Variants in ANKMY2 observed in about 807,000 individuals in gnomAD.
The protein encoded by ANKMY2 is ankyrin repeat and MYND domain-containing protein 2.
A neutral mutation model predicts 50.4 loss-of-function variants in ANKMY2; 36 were observed. That is an observed-to-expected ratio of 0.71 (90% CI 0.55 to 0.94). ANKMY2 has a LOEUF of 0.94. Among genes scored for constraint, ANKMY2 ranks in the 40% least tolerant of loss-of-function variants. The probability of loss-of-function intolerance (pLI) is 0.00; values close to 1 mark genes in which losing one functional copy is unlikely to be tolerated. For missense variants in ANKMY2, 565 were observed against 524.0 expected (o/e 1.08, Z -0.76); for synonymous variants, 187 against 178.8 (o/e 1.05, Z -0.36).
intron 1 of ANKMY2, among the ~76,000 whole-genome samples, chr7:16,644,066 G>A (rs1781781543): frequency 6.6e-6 from 1 of 152,128 alleles, no homozygotes; most frequent in African/African-American, 2.4e-5. Context: ...GCTCTGTCCT[G>A]CCTAAAAGAA....
Position 16,604,841 on chromosome 7 carries a change from A to G in ANKMY2, c.891T>C (p.Asp297=). The G allele has an allele frequency of 1.2e-6, 2 of 1,612,490 alleles. No individual in the cohort carries two copies. The highest frequency in any genetic ancestry group is 1.7e-6 in the Non-Finnish European group (2 of 1,179,432). ...GGGTAAGGACGGAGAATGCAGTGGG[A>G]TCAGAACCCTAGAGTGGGCATGAAG... ...RSIAPVEIGS[D]PTAFSVLTQA... The change falls in exon 8 of 10, where the codon GAT becomes GAC. Residue 297 remains aspartate (D), a synonymous_variant. Coordinates refer to ENST00000306999, the MANE Select transcript of ANKMY2 (RefSeq NM_020319.3).
chr7:16,609,744 A>G lies in ANKMY2; in HGVS notation c.768T>C (p.Ser256=). Reference sequence around the variant, plus strand: ...TTTCTTGATACACTGGAAAGCCATCAGAAGCTCGGCCTTTTAACAAGCTGA... The same window carrying G: ...TTTCTTGATACACTGGAAAGCCATCGGAAGCTCGGCCTTTTAACAAGCTGA... ...LIKSLLKGRA[S]DGFPVYQEKI... Residue 256 remains serine, a synonymous_variant, in exon 7 of 10, where the codon TCT becomes TCC. Transcript: ENST00000306999. 3.1e-6 allele frequency: 5 copies of G among 1,609,202 alleles called. No individual in the cohort carries two copies. The highest frequency in any genetic ancestry group is 4.2e-6 in the Non-Finnish European group (5 of 1,178,574).
intron 2 of ANKMY2, among the ~76,000 whole-genome samples, chr7:16,628,685 G>A (rs1390212945): frequency 6.6e-6 from 1 of 152,144 alleles, no homozygotes; most frequent in African/African-American, 2.4e-5. Flanking sequence ...GTAGCCTGAG[G>A]GGTGGTAGGG....
chr7:16,611,949 C>A (rs549253152), intron 5 of ANKMY2, among the ~76,000 whole-genome samples: 1 of 152,182 alleles, frequency 6.6e-6, no homozygotes, highest in African/African-American at 2.4e-5. Context: ...CCCTGCACTG[C>A]GTCTCCTATT....
At chr7:16,631,771 C>A (rs549880401) in intron 2 of ANKMY2, among the ~76,000 whole-genome samples, 1 of 151,918 alleles carries the variant, frequency 6.6e-6, no homozygotes, top group Admixed American at 6.6e-5. Context: ...CCCGCCACCA[C>A]GCCTGGCTAA....
chr7:16,611,919 G>C (rs62443196), intron 5 of ANKMY2, among the ~76,000 whole-genome samples: 1 of 152,086 alleles, frequency 6.6e-6, no homozygotes, highest in Non-Finnish European at 1.5e-5. Context: ...GCACTTTCCC[G>C]CCTTTGGGTA....
chr7:16,633,601 G>A (rs1475939053), intron 2 of ANKMY2, among the ~76,000 whole-genome samples: 1 of 151,948 alleles, frequency 6.6e-6, no homozygotes, highest in Non-Finnish European at 1.5e-5. Flanking sequence ...TTATATTTTT[G>A]TTTCTTTTCG....
Position 16,602,479 on chromosome 7 carries a change from T to C in ANKMY2, c.1042A>G (p.Thr348Ala). Residue 348 changes from threonine to alanine, a missense_variant, in exon 9 of 10, where the codon ACA becomes GCA. Coordinates refer to ENST00000306999, the MANE Select transcript of ANKMY2 (RefSeq NM_020319.3). ...ATTTTCTTATGAGTAAACCAGTGTGTTTTCTGGCAGGTTTGATCACAATAT... is the reference window on the plus strand; with the variant it reads ...ATTTTCTTATGAGTAAACCAGTGTGCTTTCTGGCAGGTTTGATCACAATAT... ...VIYCDQTCQK[T>A]HWFTHKKICK... 4 of 1,613,696 alleles carry C rather than the reference T, an allele frequency of 2.5e-6. No individual in the cohort carries two copies. Among genetic ancestry groups the C allele is most frequent in the East Asian group, 2.2e-5 (1 of 44,854 alleles).
At chr7:16,641,805 A>C (rs940203025) in intron 1 of ANKMY2, among the ~76,000 whole-genome samples, 11 of 152,212 alleles carry the variant, frequency 7.2e-5, no homozygotes, top group African/African-American at 2.7e-4. Context: ...AAAAAAGGAT[A>C]CTTATTGTAT....
At chr7:16,636,953 G>A (rs1781670619) in intron 1 of ANKMY2, among the ~76,000 whole-genome samples, 1 of 152,172 alleles carries the variant, frequency 6.6e-6, no homozygotes, top group Non-Finnish European at 1.5e-5. Flanking sequence ...CATCTTCAAT[G>A]CCTAGTACTA....
rs1781517790 is a variant in ANKMY2, at chr7:16,627,149, T to C, written c.162A>G (p.Ala54=). ...ENGMTPLMHA[A]YKGKLDMCKL... is the part of the protein sequence containing the mutation. ...TGCACATATCGAGTTTTCCTTTATA[T>C]GCTGCATGCATTAGAGGAGTCATTC... The change falls in exon 3 of 10, where the codon GCA becomes GCG. Residue 54 remains alanine (A), a synonymous_variant. Coordinates refer to ENST00000306999, the MANE Select transcript of ANKMY2 (RefSeq NM_020319.3). 6.2e-7 allele frequency: 1 copy of C among 1,604,282 alleles called. No individual in the cohort carries two copies. Among genetic ancestry groups the C allele is most frequent in the Non-Finnish European group, 8.5e-7 (1 of 1,173,328 alleles).
rs1356136937 is a variant in ANKMY2, at chr7:16,600,107, T to C, written c.*654A>G. On this transcript the variant is annotated 3_prime_UTR_variant, in exon 10 of 10. Transcript: ENST00000306999. ...GCATACGCTGAGAGAACCGTCAATA[T>C]GCCTTTGTTCCTGCTGAGGGATCTG... 6.6e-6 allele frequency: 1 copy of C among 152,236 alleles called. No homozygotes were observed. Among genetic ancestry groups the C allele is most frequent in the Non-Finnish European group, 1.5e-5 (1 of 68,048 alleles). 9.4% of individuals were successfully genotyped at this position (152,236 alleles called of 1,614,324 possible).
intron 7 of ANKMY2, among the ~76,000 whole-genome samples, chr7:16,606,094 G>A (rs139511992): frequency 1.3e-3 from 194 of 152,188 alleles, no homozygotes; most frequent in African/African-American, 4.6e-3. Context: ...TGGGACTACA[G>A]GCATGAGCCA....
At chr7:16,644,662 G>A (rs1781795215) in intron 1 of ANKMY2, 1 of 471,058 alleles carries the variant, frequency 2.1e-6, no homozygotes, top group Non-Finnish European at 4.4e-6. Flanking sequence ...TGCAGAAGAA[G>A]CATGCAGTCA....
chr7:16,606,666 A>G (rs1376401543), intron 7 of ANKMY2, among the ~76,000 whole-genome samples: 1 of 152,150 alleles, frequency 6.6e-6, no homozygotes. Context: ...TTTTTATATT[A>G]TCTTACCAAC....
At chr7:16,636,200 G>A (rs1781656240) in intron 2 of ANKMY2, among the ~76,000 whole-genome samples, 191 bp downstream of exon 2, 2 of 150,930 alleles carry the variant, frequency 1.3e-5, no homozygotes, top group South Asian at 2.1e-4. Flanking sequence ...CTACTTGGGC[G>A]GCTGAGGCAG....
At chr7:16,602,999 T>C (rs762824160) in intron 8 of ANKMY2, among the ~76,000 whole-genome samples, 4 of 152,242 alleles carry the variant, frequency 2.6e-5, no homozygotes, top group Non-Finnish European at 5.9e-5. Flanking sequence ...ATTAAACCTC[T>C]TTTCTTTATA....
At chr7:16,627,229 G>A (rs1781519431) in intron 2 of ANKMY2, 51 bp from the exon 3 acceptor site, 1 of 1,272,308 alleles carries the variant, frequency 7.9e-7, no homozygotes, top group Non-Finnish European at 1.1e-6. Context: ...TATCTTTTCT[G>A]TACCTATGAA....
chr7:16,635,413 C>T (rs557790585), intron 2 of ANKMY2, among the ~76,000 whole-genome samples: 11 of 152,136 alleles, frequency 7.2e-5, no homozygotes, highest in African/African-American at 2.4e-4. Context: ...TAATGGATAT[C>T]TACGTTATCT....
Sources: allele counts gnomAD v4.1 joint callset (sites outside exome capture counted in the v4.1 genomes callset), GRCh38; gene constraint gnomAD v4.1.1; transcripts MANE v1.5; gene names NCBI Gene and HGNC (gene_info 2026-07-23, HGNC 2026-07-21).